SLC8B1: variants seen among roughly 807,000 people sequenced by gnomAD.
The protein encoded by SLC8B1 is solute carrier family 8 member B1.
SLC8B1 carries 52 observed loss-of-function variants against 63.4 expected under a neutral mutation model. The observed-to-expected ratio is 0.82, with a 90% CI of 0.66 to 1.03. The LOEUF (loss-of-function observed/expected upper bound fraction) is 1.03, where lower values mean the gene tolerates loss of function less well. Ranked by LOEUF, SLC8B1 falls within the 50% of genes least tolerant of loss-of-function variation. SLC8B1 has a pLI of 0.00. For synonymous variants in SLC8B1, 336 were observed against 323.9 expected (o/e 1.04, Z -0.40); for missense variants, 657 against 741.7 (o/e 0.89, Z 1.33).
chr12:113,308,400 A>T (rs979398297), intron 12 of SLC8B1: 10 of 152,570 alleles, frequency 6.6e-5, no homozygotes, highest in African/African-American at 2.2e-4. Context: ...ACTAAAAAAA[A>T]ATATTATTTT....
chr12:113,303,923 C>T (rs1956635207), intron 15 of SLC8B1, among the ~76,000 whole-genome samples: 1 of 152,148 alleles, frequency 6.6e-6, no homozygotes, highest in South Asian at 2.1e-4. Context: ...CTCTGTCGCC[C>T]AGGCTGGAGT....
At chr12:113,300,681 C>A (rs377408862) in intron 15 of SLC8B1, among the ~76,000 whole-genome samples, 25 of 152,308 alleles carry the variant, frequency 1.6e-4, no homozygotes, top group African/African-American at 4.1e-4. Context: ...GGAAAAGGAA[C>A]CTTCTCTTCC....
intron 15 of SLC8B1, chr12:113,302,632 G>A (rs1236631773): frequency 4.4e-6 from 2 of 455,984 alleles, no homozygotes; most frequent in African/African-American, 4.0e-5. Flanking sequence ...GTGAAGACAT[G>A]AGGTACCGTG....
In SLC8B1 at chr12:113,316,621, T is replaced by C; in HGVS notation, c.898A>G (p.Thr300Ala). Residue 300 changes from threonine (T) to alanine (A), a missense_variant, in exon 10 of 16, where the codon ACC (threonine) becomes GCC (alanine). By Grantham distance (58) the Thr-to-Ala change is moderately conservative. Transcript: ENST00000680972. ...GCCCGGACCAGGATCTGAGCCGTGGTCTCCTGGTAGAAGAACAGCGGCCGG... is the reference window on the plus strand; with the variant it reads ...GCCCGGACCAGGATCTGAGCCGTGGCCTCCTGGTAGAAGAACAGCGGCCGG... ...EYRPLFFYQE[T>A]TAQILVRALN... The C allele has an allele frequency of 1.9e-6, 3 of 1,613,974 alleles. No homozygotes were observed. The highest frequency in any genetic ancestry group is 2.5e-6 in the Non-Finnish European group (3 of 1,180,010).
chr12:113,319,728 G>A (rs534755742), intron 7 of SLC8B1, among the ~76,000 whole-genome samples: 2 of 152,312 alleles, frequency 1.3e-5, no homozygotes, highest in African/African-American at 4.8e-5. Context: ...CATGTTTGCT[G>A]TCACGATCCG....
intron 2 of SLC8B1, among the ~76,000 whole-genome samples, chr12:113,328,758 T>C (rs1185950347): frequency 1.3e-5 from 2 of 151,568 alleles, no homozygotes; most frequent in African/African-American, 4.9e-5. Context: ...TTTTTTTTTT[T>C]TTTCCTTTTT....
At position 113,332,949 on chromosome 12, in the gene SLC8B1, G is replaced by C; in HGVS notation, c.-71C>G. On this transcript the variant is annotated 5_prime_UTR_variant, in exon 2 of 16. Transcript: ENST00000680972. ...AGTAGCTCAGTTCCAAACAGCTGGC[G>C]GCTCCGGTGGCCTGCAAGGTGGGAG... 6.4e-7 allele frequency: 1 copy of C among 1,563,768 alleles called. No individual in the cohort carries two copies. Among genetic ancestry groups the C allele is most frequent in the East Asian group, 2.3e-5 (1 of 44,318 alleles).
chr12:113,319,970 T>C (rs1361953203), intron 7 of SLC8B1: 7 of 194,184 alleles, frequency 3.6e-5, no homozygotes, highest in Admixed American at 1.6e-4. Context: ...GTTTTTTCTT[T>C]TTTGTAGAGA....
intron 15 of SLC8B1, chr12:113,302,672 G>A (rs762746561): frequency 2.4e-5 from 11 of 455,964 alleles, no homozygotes; most frequent in African/African-American, 1.0e-4. Flanking sequence ...GTGGCGTTTC[G>A]TCTTCCCAGC....
At chr12:113,311,889 A>G (rs1956767273) in intron 11 of SLC8B1, among the ~76,000 whole-genome samples, 1 of 151,740 alleles carries the variant, frequency 6.6e-6, no homozygotes, top group Non-Finnish European at 1.5e-5. Context: ...TTTTGCCAGC[A>G]TGGGGTTTTT....
Position 113,299,829 on chromosome 12 carries a change from AG to A in SLC8B1, c.1702del (p.Val569SerfsTer10). The A allele has an allele frequency of 6.2e-7, 1 of 1,614,236 alleles. No homozygotes were observed. On this transcript the variant is annotated frameshift_variant, in exon 16 of 16. Coordinates refer to ENST00000680972, the MANE Select transcript of SLC8B1 (RefSeq NM_001358345.2). LOFTEE classifies it high-confidence loss of function. ...AAATTCAGTGAGGAGGGCCACGACAAGGAAGTTCAGGTAGAAGAGGAGCAGG... is the reference window on the plus strand; with the variant it reads ...AAATTCAGTGAGGAGGGCCACGACAAGAAGTTCAGGTAGAAGAGGAGCAGG... Reference protein sequence around the residue: ...FCLLLFYLNFLVVALLTEFGV... With the variant: ...FCLLLFYLNFXVVALLTEFGV...
At chr12:113,303,332 G>A (rs1555273575) in intron 15 of SLC8B1, among the ~76,000 whole-genome samples, 1 of 152,160 alleles carries the variant, frequency 6.6e-6, no homozygotes, top group Non-Finnish European at 1.5e-5. Context: ...CTGTTTGCTT[G>A]TGGGCATGGC....
chr12:113,329,273 C>T (rs879510142), intron 2 of SLC8B1, among the ~76,000 whole-genome samples: 3 of 152,182 alleles, frequency 2.0e-5, no homozygotes, highest in Non-Finnish European at 2.9e-5. Context: ...GCACACAGCC[C>T]ACCACTGAGA....
chr12:113,303,716 C>T (rs1956631546), intron 15 of SLC8B1, among the ~76,000 whole-genome samples: 1 of 152,174 alleles, frequency 6.6e-6, no homozygotes, highest in African/African-American at 2.4e-5. Flanking sequence ...CACATGCTAC[C>T]TACCCAAATC....
At chr12:113,309,224 C>CACG in intron 12 of SLC8B1, among the ~76,000 whole-genome samples, 1 of 138,916 alleles carries the variant, frequency 7.2e-6, no homozygotes, top group Admixed American at 7.2e-5. Flanking sequence ...GCTGAAGTGC[C>CACG]ATGATGCGAT....
chr12:113,333,878 T>G (rs1957092104), intron 1 of SLC8B1, among the ~76,000 whole-genome samples: 2 of 152,142 alleles, frequency 1.3e-5, no homozygotes, highest in African/African-American at 4.8e-5. Context: ...CCAGCTAATT[T>G]TTGTATTTTT....
chr12:113,307,869 G>C (rs1214846568), intron 12 of SLC8B1, 25 bp from the exon 13 acceptor site: 2 of 1,606,392 alleles, frequency 1.2e-6, no homozygotes, highest in Non-Finnish European at 1.7e-6. Context: ...GTTTGCTGTG[G>C]GACCAAGGCC....
intron 11 of SLC8B1, among the ~76,000 whole-genome samples, chr12:113,314,392 A>T (rs1044707847): frequency 3.9e-5 from 6 of 152,380 alleles, no homozygotes; most frequent in African/African-American, 7.2e-5. Flanking sequence ...CTCCAGGCGA[A>T]GCCCCTGGGC....
At chr12:113,330,164 G>T (rs561392072) in intron 2 of SLC8B1, among the ~76,000 whole-genome samples, 1 of 152,218 alleles carries the variant, frequency 6.6e-6, no homozygotes, top group Non-Finnish European at 1.5e-5. Flanking sequence ...TAAGCTCCAG[G>T]GGGGCAGGGA....
Sources: gnomAD v4.1 joint callset for allele counts (sites outside exome capture counted in the v4.1 genomes callset) on GRCh38, gnomAD v4.1.1 for gene constraint, MANE v1.5 for transcripts, NCBI Gene and HGNC (gene_info 2026-07-23, HGNC 2026-07-21) for gene names.